Variants in PVT1 observed in about 807,000 individuals in gnomAD.
PVT1 encodes the protein CXCR4/PVT1 fusion.
chr8:127,957,791 A>G (rs138784917), intron 3 of PVT1, among the ~76,000 whole-genome samples: 3 of 152,236 alleles, frequency 2.0e-5, no homozygotes, highest in Non-Finnish European at 4.4e-5. Context: ...TAGCACTGCA[A>G]CCCCTGAACA....
intron 4 of PVT1, among the ~76,000 whole-genome samples, chr8:128,031,355 A>G (rs1813386162): frequency 6.6e-6 from 1 of 152,184 alleles, no homozygotes. Context: ...AGCACAAATA[A>G]AGTGAAAGCG....
chr8:127,877,975 T>C (rs1301086825), intron 2 of PVT1, among the ~76,000 whole-genome samples: 1 of 152,042 alleles, frequency 6.6e-6, no homozygotes, highest in Non-Finnish European at 1.5e-5. Flanking sequence ...TGAACTTTCT[T>C]GGAGAACATG....
chr8:127,958,855 G>A (rs1482847569), intron 3 of PVT1, among the ~76,000 whole-genome samples: 1 of 152,168 alleles, frequency 6.6e-6, no homozygotes, highest in African/African-American at 2.4e-5. Context: ...CATGTGCCAG[G>A]CCTGGTTCTA....
intron 3 of PVT1, chr8:127,948,236 C>T (rs964328089): frequency 1.6e-5 from 5 of 321,714 alleles, no homozygotes; most frequent in African/African-American, 1.1e-4. Context: ...AAAGCAGCTG[C>T]TGAGTGGTGG....
At chr8:128,086,754 T>C (rs919750986) in intron 5 of PVT1, among the ~76,000 whole-genome samples, 7 of 152,228 alleles carry the variant, frequency 4.6e-5, no homozygotes, top group Non-Finnish European at 8.8e-5. Flanking sequence ...CCAGCTCAAA[T>C]GGAACAGCTT....
chr8:127,952,358 A>AAT (rs1816515688), intron 3 of PVT1, among the ~76,000 whole-genome samples: 1 of 152,202 alleles, frequency 6.6e-6, no homozygotes, highest in South Asian at 2.1e-4. Context: ...CTAATAAAAA[A>AAT]ATCCCAGTGA....
chr8:127,854,172 C>A (rs1209142248), intron 2 of PVT1, among the ~76,000 whole-genome samples: 3 of 152,162 alleles, frequency 2.0e-5, no homozygotes, highest in Non-Finnish European at 4.4e-5. Flanking sequence ...GCCTGTTTAC[C>A]CTGGCGCAGG....
chr8:127,848,804 G>A (rs1430553533), intron 2 of PVT1, among the ~76,000 whole-genome samples: 2 of 152,238 alleles, frequency 1.3e-5, no homozygotes, highest in Non-Finnish European at 2.9e-5. Context: ...GAACAGTTGT[G>A]CTCAGGGTGG....
intron 4 of PVT1, among the ~76,000 whole-genome samples, chr8:128,026,868 C>T (rs993980695): frequency 1.3e-5 from 2 of 152,132 alleles, no homozygotes. Context: ...GGAACGTGAC[C>T]GGCCTCATTC....
chr8:127,868,947 G>A (rs1209931268), intron 2 of PVT1, among the ~76,000 whole-genome samples: 3 of 151,132 alleles, frequency 2.0e-5, no homozygotes, highest in South Asian at 2.1e-4. Context: ...AGTTGCTTCT[G>A]CTGGACCAAA....
rs189553636 is a variant in PVT1 at position 128,079,913 on chromosome 8, A to T, written n.1114+9552A>T. Among the ~76,000 whole-genome samples, 1,124 of 152,166 alleles carry T rather than the reference A, an allele frequency of 7.4e-3. 20 individuals are homozygous for T. The highest frequency in any genetic ancestry group is 0.026 in the African/African-American group (1,092 of 41,504). On this transcript the variant is annotated intron_variant and non_coding_transcript_variant, in intron 5 of 10. Coordinates refer to ENST00000651587, the Ensembl canonical transcript of PVT1. ...CTAATTTTTTGTATTTTTAGTAGAG[A>T]CAGGGTTTCACCATGGTAGCCAGGA...
chr8:127,976,219 C>G (rs1816821637), intron 3 of PVT1, among the ~76,000 whole-genome samples: 1 of 152,208 alleles, frequency 6.6e-6, no homozygotes, highest in African/African-American at 2.4e-5. Flanking sequence ...CAACCCTTCT[C>G]CAGAGCAGCT....
chr8:127,859,577 G>A (rs1815197097), intron 2 of PVT1, among the ~76,000 whole-genome samples: 1 of 152,018 alleles, frequency 6.6e-6, no homozygotes, highest in African/African-American at 2.4e-5. Context: ...GCTGGCCTGC[G>A]AACTATTCAC....
intron 5 of PVT1, among the ~76,000 whole-genome samples, chr8:128,095,404 A>T (rs534989920): frequency 3.3e-5 from 5 of 152,288 alleles, no homozygotes; most frequent in Admixed American, 3.3e-4. Flanking sequence ...GCTGCGGGTG[A>T]GCACTCGGCA....
intron 3 of PVT1, among the ~76,000 whole-genome samples, chr8:127,976,778 G>A (rs967885255): frequency 1.3e-5 from 2 of 152,142 alleles, no homozygotes; most frequent in Admixed American, 6.5e-5. Flanking sequence ...GGTCACACAG[G>A]AAGGAAGTGG....
intron 3 of PVT1, among the ~76,000 whole-genome samples, chr8:127,907,014 G>T (rs2129836642): frequency 6.8e-6 from 1 of 148,032 alleles, no homozygotes; most frequent in South Asian, 2.1e-4. Context: ...AGGCTGGAGT[G>T]CAGTGGCACA....
chr8:127,938,680 A>C lies in PVT1; in HGVS notation n.782+47682A>C, dbSNP rs950777699. ...GTTTTCAAAGCTGCAGCACCAGAGG[A>C]CATGGAAGAGAAAGGCTGAAGTGTC... On this transcript the variant is annotated intron_variant and non_coding_transcript_variant, in intron 3 of 10. Coordinates refer to ENST00000651587, the Ensembl canonical transcript of PVT1. Among the ~76,000 whole-genome samples the C allele has an allele frequency of 2.0e-5, 3 of 152,246 alleles. No homozygotes were observed. The East Asian group carries it at 5.8e-4, about 29-fold the overall frequency.
chr8:128,083,905 A>T (rs567325872), intron 5 of PVT1, among the ~76,000 whole-genome samples: 1 of 152,202 alleles, frequency 6.6e-6, no homozygotes, highest in Non-Finnish European at 1.5e-5. Flanking sequence ...ATTTTGAAAT[A>T]TACCTTGTTC....
At chr8:128,049,234 T>A in intron 4 of PVT1, 1 of 528,804 alleles carries the variant, frequency 1.9e-6, no homozygotes, top group South Asian at 1.4e-5. Context: ...AGACAGCACT[T>A]CTGTTAGCTG....
Sources: gnomAD v4.1 joint callset for allele counts (sites outside exome capture counted in the v4.1 genomes callset) on GRCh38, gnomAD v4.1.1 for gene constraint, MANE v1.5 for transcripts, NCBI Gene and HGNC (gene_info 2026-07-23, HGNC 2026-07-21) for gene names.